The following CLVS1 variants were observed in gnomAD, a reference collection of about 807,000 sequenced individuals.
The protein encoded by CLVS1 is clavesin-1.
CLVS1 carries 10 observed loss-of-function variants against 33.1 expected under a neutral mutation model. The ratio of observed to expected loss-of-function variants is 0.30; its 90% CI spans 0.19 to 0.51. CLVS1 has a LOEUF of 0.51. Among genes scored for constraint, CLVS1 ranks in the 20% least tolerant of loss-of-function variants. The pLI, the probability that CLVS1 is intolerant of heterozygous loss-of-function variation, is 0.97. For missense variants in CLVS1, 343 were observed against 433.4 expected, an observed-to-expected ratio of 0.79 and a Z score of 1.85; for synonymous variants, 163 against 166.1, an observed-to-expected ratio of 0.98 and a Z score of 0.14.
intron 2 of CLVS1, among the ~76,000 whole-genome samples, chr8:61,234,325 C>T (rs1245260941): frequency 6.6e-6 from 1 of 152,190 alleles, no homozygotes; most frequent in East Asian, 1.9e-4. Context: ...TCTGCTGTGT[C>T]AGCATGGCAC....
chr8:61,017,573 A>G, the CLVS1 span, among the ~76,000 whole-genome samples: 1 of 152,044 alleles, frequency 6.6e-6, no homozygotes, highest in Non-Finnish European at 1.5e-5. Flanking sequence ...GTAGATGATG[A>G]GAAATTGCCC....
intron 1 of CLVS1, among the ~76,000 whole-genome samples, chr8:61,118,667 T>C (rs1470388975): frequency 6.6e-6 from 1 of 151,886 alleles, no homozygotes. Context: ...TCAGTTTCCA[T>C]GGAGTTGAGC....
At chr8:61,459,453 G>A (rs538142058) in intron 5 of CLVS1, among the ~76,000 whole-genome samples, 2 of 152,036 alleles carry the variant, frequency 1.3e-5, no homozygotes, top group South Asian at 2.1e-4. Flanking sequence ...CCCGTCATCC[G>A]AGCAGTATAC....
rs1478607860 is a variant in CLVS1 at position 61,059,477 on chromosome 8, T to TACATACATACATAC, written c.-243+2248_-243+2249insCATACATACATACA. Among the ~76,000 whole-genome samples, 5 of 76,546 alleles carry TACATACATACATAC rather than the reference T, an allele frequency of 6.5e-5. No homozygotes were observed. The East Asian group carries it at 1.6e-3, about 25-fold the overall frequency. The allele number at this position is 76,546 out of a possible 152,430, so 50.2% of individuals were successfully genotyped here. On this transcript the variant is annotated intron_variant, in intron 1 of 2. Transcript: ENST00000522621. Reference sequence around the variant, plus strand: ...ACACACATATACATACATACATACATATATATATATATATATATATATACA... The same window carrying TACATACATACATAC: ...ACACACATATACATACATACATACATACATACATACATACATATATATATATATATATATATACA...
At chr8:61,462,703 G>A (rs1817410307) in intron 5 of CLVS1, among the ~76,000 whole-genome samples, 1 of 152,132 alleles carries the variant, frequency 6.6e-6, no homozygotes, top group South Asian at 2.1e-4. Flanking sequence ...CTCGTCAGTA[G>A]ACTTAAAATA....
chr8:61,033,417 T>G, the CLVS1 span, among the ~76,000 whole-genome samples: 1 of 84,316 alleles, frequency 1.2e-5, no homozygotes, highest in Non-Finnish European at 3.0e-5. Context: ...GTCCTTTGCT[T>G]GCATGAAGTC....
chr8:61,187,786 G>T (rs1807373549), intron 2 of CLVS1, among the ~76,000 whole-genome samples: 1 of 149,308 alleles, frequency 6.7e-6, no homozygotes, highest in Non-Finnish European at 1.5e-5. Flanking sequence ...TAAGATCTAT[G>T]TATAAAATCT....
intron 2 of CLVS1, among the ~76,000 whole-genome samples, chr8:61,307,335 G>A (rs950788004): frequency 1.3e-5 from 2 of 152,164 alleles, no homozygotes; most frequent in Non-Finnish European, 2.9e-5. Flanking sequence ...GATGAGTTAA[G>A]TTAGGGTAAT....
intron 3 of CLVS1, among the ~76,000 whole-genome samples, chr8:61,413,157 T>C (rs1402149899): frequency 2.0e-5 from 3 of 151,988 alleles, no homozygotes; most frequent in African/African-American, 4.8e-5. Flanking sequence ...ACTGAGAGGG[T>C]GGAGCCCAGC....
chr8:61,287,800 ATGT>A (rs1227999136), upstream of CLVS1, among the ~76,000 whole-genome samples: 4 of 152,110 alleles, frequency 2.6e-5, no homozygotes, highest in African/African-American at 9.7e-5. Context: ...TCTATTTTTA[ATGT>A]TGTGTGGGGA....
At chr8:61,202,653 G>C (rs748882300) in intron 2 of CLVS1, 3 of 1,529,028 alleles carry the variant, frequency 2.0e-6, no homozygotes, top group Non-Finnish European at 2.7e-6. Flanking sequence ...TAGTCTTAAG[G>C]TTGAAGTGTG....
the CLVS1 span, among the ~76,000 whole-genome samples, chr8:61,030,275 C>T: frequency 6.9e-6 from 1 of 145,474 alleles, no homozygotes; most frequent in Non-Finnish European, 1.5e-5. Context: ...TAGATCACTG[C>T]AGGAGAGAAG....
At chr8:61,291,276 C>T (rs1257515866) in intron 1 of CLVS1, among the ~76,000 whole-genome samples, 2 of 152,088 alleles carry the variant, frequency 1.3e-5, no homozygotes, top group African/African-American at 4.8e-5. Context: ...TTCCTGTGAG[C>T]TTTTGTGCTT....
At chr8:61,278,821 G>C (rs1009499513) in intron 2 of CLVS1, among the ~76,000 whole-genome samples, 19 of 152,306 alleles carry the variant, frequency 1.2e-4, no homozygotes, top group Admixed American at 1.0e-3. Context: ...GGGTGGCTTT[G>C]CCTTGGGACA....
intron 1 of CLVS1, among the ~76,000 whole-genome samples, chr8:61,095,529 C>A (rs1009830519): frequency 1.3e-5 from 2 of 152,184 alleles, no homozygotes; most frequent in Non-Finnish European, 2.9e-5. Flanking sequence ...GGGAAGGGTG[C>A]CTGCAGCCCT....
intron 5 of CLVS1, among the ~76,000 whole-genome samples, chr8:61,467,296 A>C (rs1032065137): frequency 2.6e-5 from 4 of 152,308 alleles, no homozygotes; most frequent in African/African-American, 9.6e-5. Flanking sequence ...AGCAGGTTAG[A>C]TATCACAATT....
At chr8:60,966,871 A>T in the CLVS1 span, among the ~76,000 whole-genome samples, 2 of 152,304 alleles carry the variant, frequency 1.3e-5, no homozygotes, top group Admixed American at 6.5e-5. Context: ...GAGAGAGAGG[A>T]AGGAGACATG....
rs112535464 is a variant in CLVS1 at position 61,234,120 on chromosome 8, C to G, written c.-151-65557C>G. 2.4e-4 allele frequency among the ~76,000 whole-genome samples: 37 copies of G among 152,212 alleles called. 1 individual carries two copies. The highest frequency in any genetic ancestry group is 8.9e-4 in the African/African-American group (37 of 41,532). ...AAGGGTAGGAGGGTAGGGGGGCCAG[C>G]TTCCTGGTAAATCCTGGAGGCCCAC... On this transcript the variant is annotated intron_variant, in intron 2 of 2. Transcript: ENST00000522621.
At chr8:61,117,705 C>T (rs890813055) in intron 1 of CLVS1, among the ~76,000 whole-genome samples, 273 of 152,296 alleles carry the variant, frequency 1.8e-3, no homozygotes, top group African/African-American at 6.3e-3. Context: ...ACCAGCCTTG[C>T]ATCCCAGGGA....
Sources: allele counts gnomAD v4.1 joint callset (sites outside exome capture counted in the v4.1 genomes callset), GRCh38; gene constraint gnomAD v4.1.1; transcripts MANE v1.5; gene names NCBI Gene and HGNC (gene_info 2026-07-23, HGNC 2026-07-21).